Variants in CDK8 observed in about 807,000 individuals in gnomAD.
CDK8 encodes cyclin-dependent kinase 8.
A neutral mutation model predicts 71.5 loss-of-function variants in CDK8; 29 were observed. The ratio of observed to expected loss-of-function variants is 0.41; its 90% CI spans 0.30 to 0.55. The LOEUF (loss-of-function observed/expected upper bound fraction) is 0.55, where lower values mean the gene tolerates loss of function less well. Among genes scored for constraint, CDK8 ranks in the 20% least tolerant of loss-of-function variants. CDK8 has a pLI of 0.37. For synonymous variants in CDK8, 161 were observed against 192.1 expected (o/e 0.84, Z 1.34); for missense variants, 288 against 572.6 (o/e 0.50, Z 5.07).
chr13:26,263,325 C>T lies in CDK8; in HGVS notation c.128+8556C>T, dbSNP rs183026844. 2.1e-3 allele frequency among the ~76,000 whole-genome samples: 320 copies of T among 151,976 alleles called. 1 individual carries two copies. Among genetic ancestry groups the T allele is most frequent in the African/African-American group, 7.5e-3 (309 of 41,444 alleles). On this transcript the variant is annotated intron_variant, in intron 1 of 12. Transcript: ENST00000381527. ...TAGTTTTTTATATTTTTAGTAGAGA[C>T]AGGGTTTCACCGTGTTAGCCAAGAT...
chr13:26,295,459 A>G (rs979363270), intron 1 of CDK8, among the ~76,000 whole-genome samples: 2 of 152,214 alleles, frequency 1.3e-5, no homozygotes, highest in Non-Finnish European at 2.9e-5. Flanking sequence ...GGTTTAATGC[A>G]GATCTTTTCA....
At chr13:26,296,032 G>A (rs1873544522) in intron 1 of CDK8, among the ~76,000 whole-genome samples, 2 of 151,996 alleles carry the variant, frequency 1.3e-5, no homozygotes, top group South Asian at 2.1e-4. Context: ...ACTAAAAAAA[G>A]GATTATGATT....
At chr13:26,384,446 G>C (rs9551266) in intron 5 of CDK8, among the ~76,000 whole-genome samples, 1 of 151,956 alleles carries the variant, frequency 6.6e-6, no homozygotes, top group Non-Finnish European at 1.5e-5. Flanking sequence ...TACTATTAGG[G>C]ATAGATATGA....
intron 4 of CDK8, among the ~76,000 whole-genome samples, chr13:26,377,206 CA>C (rs1436882255): frequency 6.6e-6 from 1 of 152,256 alleles, no homozygotes; most frequent in Non-Finnish European, 1.5e-5. Flanking sequence ...TATCCCCCAA[CA>C]GGGGGTGCAG....
At chr13:26,353,683 A>G (rs1022889530) in intron 3 of CDK8, 57 bp from the exon 4 acceptor site, 23 of 1,352,986 alleles carry the variant, frequency 1.7e-5, no homozygotes, top group African/African-American at 5.9e-5. Context: ...AATATTATAC[A>G]TCAAATTATC....
intron 1 of CDK8, among the ~76,000 whole-genome samples, chr13:26,259,006 G>A (rs1871653207): frequency 6.6e-6 from 1 of 152,062 alleles, no homozygotes. Context: ...TCAGTTGGTG[G>A]GCAGCACAAA....
At chr13:26,354,958 C>T (rs1327448516) in intron 4 of CDK8, among the ~76,000 whole-genome samples, 3 of 152,178 alleles carry the variant, frequency 2.0e-5, no homozygotes, top group African/African-American at 7.2e-5. Flanking sequence ...AAGGCACCTT[C>T]ATTTCAAACA....
At chr13:26,387,861 C>A (rs1423502712) in intron 6 of CDK8, among the ~76,000 whole-genome samples, 2 of 152,174 alleles carry the variant, frequency 1.3e-5, no homozygotes, top group Non-Finnish European at 2.9e-5. Context: ...GCCTTCACAC[C>A]TTCTTTTACC....
At chr13:26,327,602 G>T (rs948028305) in intron 1 of CDK8, among the ~76,000 whole-genome samples, 2 of 152,200 alleles carry the variant, frequency 1.3e-5, no homozygotes, top group Non-Finnish European at 2.9e-5. Context: ...GCTGAGGCAG[G>T]TGGATCACCT....
chr13:26,316,672 T>C (rs942662568), intron 1 of CDK8, among the ~76,000 whole-genome samples: 1 of 152,040 alleles, frequency 6.6e-6, no homozygotes, highest in Non-Finnish European at 1.5e-5. Flanking sequence ...AGCAAAAACC[T>C]ACACACAGAC....
At chr13:26,325,532 T>A (rs1351516438) in intron 1 of CDK8, among the ~76,000 whole-genome samples, 1 of 152,170 alleles carries the variant, frequency 6.6e-6, no homozygotes, top group African/African-American at 2.4e-5. Flanking sequence ...CCAGATGAAG[T>A]ATGAGGTATC....
At position 26,401,519 on chromosome 13, in the gene CDK8, A is replaced by G. The variant is rs1162449945; in HGVS notation, c.1164A>G (p.Pro388=). Reference sequence around the variant, plus strand: ...ACCACACTAATGGAACTGGCCACCCAGGGAATCAAGACAGCAGTCACACAC... The same window carrying G: ...ACCACACTAATGGAACTGGCCACCCGGGGAATCAAGACAGCAGTCACACAC... The part of the protein sequence containing the change: ...GNNHTNGTGH[P]GNQDSSHTQG... Residue 388 remains proline (P), a synonymous_variant, in exon 12 of 13, where the codon CCA becomes CCG. Transcript: ENST00000381527. The surrounding 1 kb of genome is among the most constrained non-coding windows in gnomAD (Gnocchi z 4.5). 3 of 1,614,086 alleles carry G rather than the reference A, an allele frequency of 1.9e-6. No homozygotes were observed. Among genetic ancestry groups the G allele is most frequent in the Non-Finnish European group, 2.5e-6 (3 of 1,180,034 alleles).
chr13:26,379,930 A>G (rs776745388), intron 4 of CDK8, among the ~76,000 whole-genome samples: 17 of 152,152 alleles, frequency 1.1e-4, no homozygotes, highest in Non-Finnish European at 2.2e-4. Context: ...GGAGAGGGGG[A>G]AAATCCAATT....
chr13:26,361,783 CCT>C (rs1874149282), intron 4 of CDK8, among the ~76,000 whole-genome samples: 2 of 112,222 alleles, frequency 1.8e-5, no homozygotes, highest in South Asian at 2.9e-4. Context: ...TTTTCTTTTC[CCT>C]TTTTTTTTTT....
intron 1 of CDK8, among the ~76,000 whole-genome samples, chr13:26,330,957 A>G (rs1412395469): frequency 1.3e-5 from 2 of 152,222 alleles, no homozygotes; most frequent in Non-Finnish European, 2.9e-5. Context: ...GTGGATACCC[A>G]GTAGTGGGAT....
At chr13:26,322,885 A>G (rs958443660) in intron 1 of CDK8, among the ~76,000 whole-genome samples, 3 of 152,190 alleles carry the variant, frequency 2.0e-5, no homozygotes, top group Admixed American at 2.0e-4. Flanking sequence ...GATTTTATAT[A>G]TCTTTGGCAT....
intron 1 of CDK8, among the ~76,000 whole-genome samples, chr13:26,293,601 C>A (rs1873403854): frequency 9.6e-6 from 1 of 103,830 alleles, no homozygotes; most frequent in African/African-American, 3.6e-5. Context: ...GAGACTGTCT[C>A]AAAAAAAAAA....
chr13:26,376,256 T>A (rs1874943777), intron 4 of CDK8, among the ~76,000 whole-genome samples: 1 of 151,894 alleles, frequency 6.6e-6, no homozygotes, highest in African/African-American at 2.4e-5. Flanking sequence ...AAGGAACTAT[T>A]TTGAAAGCTA....
At chr13:26,329,253 C>T (rs180887656) in intron 1 of CDK8, among the ~76,000 whole-genome samples, 106 of 152,078 alleles carry the variant, frequency 7.0e-4, no homozygotes, top group African/African-American at 2.5e-3. Context: ...CAATCCTTTG[C>T]GGCCATTTTA....
Sources: allele counts gnomAD v4.1 joint callset (sites outside exome capture counted in the v4.1 genomes callset), GRCh38; gene constraint gnomAD v4.1.1; non-coding constraint Gnocchi (gnomAD v3.1); transcripts MANE v1.5; gene names NCBI Gene and HGNC (gene_info 2026-07-23, HGNC 2026-07-21).